IPO11: variants seen among roughly 807,000 people sequenced by gnomAD.
The protein encoded by IPO11 is importin-11.
Under a neutral mutation model 143.2 loss-of-function variants are expected in IPO11, and 66 were observed. That is an observed-to-expected ratio of 0.46 (90% confidence interval 0.38 to 0.57). The LOEUF (loss-of-function observed/expected upper bound fraction) is 0.57. Ranked by LOEUF, IPO11 falls within the 20% of genes least tolerant of loss-of-function variation. The pLI is 0.00. For synonymous variants in IPO11, 385 were observed against 377.8 expected, an observed-to-expected ratio of 1.02 and a Z score of -0.22; for missense variants, 1,026 against 1,141.0, an observed-to-expected ratio of 0.90 and a Z score of 1.45.
chr5:62,538,692 G>A (rs1345558480), intron 24 of IPO11, among the ~76,000 whole-genome samples: 1 of 152,138 alleles, frequency 6.6e-6, no homozygotes, highest in Non-Finnish European at 1.5e-5. Context: ...GTTCTTTATA[G>A]CAGTATGAAA....
chr5:62,587,555 GT>G (rs1744842354), intron 27 of IPO11, among the ~76,000 whole-genome samples: 1 of 151,842 alleles, frequency 6.6e-6, no homozygotes, highest in Admixed American at 6.6e-5. Flanking sequence ...TATTTTCCCA[GT>G]TTTCTAATAT....
At chr5:62,454,313 CTT>C (rs1271114314) in intron 5 of IPO11, among the ~76,000 whole-genome samples, 1 of 152,166 alleles carries the variant, frequency 6.6e-6, no homozygotes, top group African/African-American at 2.4e-5. Context: ...GTGAAATTGT[CTT>C]TCCTTTTCCT....
In IPO11 at chr5:62,561,236, C is replaced by G. The variant is rs145750694; in HGVS notation, c.2561C>G (p.Ser854Cys). The G allele has an allele frequency of 1.2e-4, 190 of 1,581,626 alleles. No homozygotes were observed. In the African/African-American group the frequency reaches 2.3e-3, roughly 19 times the overall value. Residue 854 changes from serine (S) to cysteine (C), a missense_variant, in exon 27 of 30, where the codon TCT becomes TGT. Around this residue, in one of 5 missense-constraint regions of IPO11, gnomAD observed 351 missense variants for 358.9 expected, o/e 0.98. Transcript: ENST00000325324. ...AAACTTTCAGCTTTGGCTTTGCTCT[C>G]TCTTCTGCCATCTGATAATAGGTGA... The part of the protein sequence containing the change: ...RRKLSALALL[S>C]LLPSDNSVIQ...
rs1742363632 is a variant in IPO11 at position 62,526,171 on chromosome 5, C to T, written c.1926C>T (p.Tyr642=). 6.2e-7 allele frequency: 1 copy of T among 1,613,294 alleles called. No individual in the cohort carries two copies. The highest frequency in any genetic ancestry group is 8.5e-7 in the Non-Finnish European group (1 of 1,179,434). Residue 642 remains tyrosine, a synonymous_variant, in exon 21 of 30, where the codon TAC becomes TAT. Transcript: ENST00000325324. ...QGLGADSKNL[Y]PFLLPVIQLS... ...TAGGAGCAGACAGCAAGAACCTGTA[C>T]CCTTTCCTGCTCCCAGTTATTCAAC...
At chr5:62,540,991 T>C (rs1742916001) in intron 24 of IPO11, among the ~76,000 whole-genome samples, 1 of 152,330 alleles carries the variant, frequency 6.6e-6, no homozygotes, top group Non-Finnish European at 1.5e-5. Flanking sequence ...AAATTTACTT[T>C]TAAAACTAAG....
chr5:62,464,251 C>G (rs1328040839), intron 5 of IPO11, among the ~76,000 whole-genome samples: 1 of 150,614 alleles, frequency 6.6e-6, no homozygotes, highest in African/African-American at 2.4e-5. Context: ...CCGGATTCTC[C>G]CGCCTCAGCC....
intron 28 of IPO11, among the ~76,000 whole-genome samples, chr5:62,597,099 G>T (rs61308671): frequency 6.6e-6 from 1 of 152,032 alleles, no homozygotes; most frequent in Admixed American, 6.6e-5. Context: ...GTCTAGTGAC[G>T]GTAAGAGGAT....
At chr5:62,417,050 T>C (rs543825942) in intron 1 of IPO11, among the ~76,000 whole-genome samples, 4 of 152,130 alleles carry the variant, frequency 2.6e-5, no homozygotes, top group African/African-American at 9.6e-5. Flanking sequence ...TCAAGTCTTA[T>C]CTGAAATATA....
chr5:62,550,525 C>A, intron 25 of IPO11, 63 bp downstream of exon 25: 1 of 1,034,834 alleles, frequency 9.7e-7, no homozygotes, highest in Non-Finnish European at 1.4e-6. Context: ...TTTAATTACT[C>A]TGTTAGATAC....
intron 5 of IPO11, among the ~76,000 whole-genome samples, chr5:62,464,391 G>C (rs982183482): frequency 6.6e-6 from 1 of 151,782 alleles, no homozygotes; most frequent in African/African-American, 2.4e-5. Flanking sequence ...CTCCTGCCTT[G>C]GCCTCCCAAA....
At chr5:62,486,055 A>T (rs79915024) in intron 12 of IPO11, among the ~76,000 whole-genome samples, 1 of 146,084 alleles carries the variant, frequency 6.8e-6, no homozygotes, top group African/African-American at 2.5e-5. Context: ...ATCTCGGCTC[A>T]CTGCAAGCTC....
intron 19 of IPO11, among the ~76,000 whole-genome samples, chr5:62,510,792 A>G (rs541538110): frequency 1.0e-3 from 159 of 151,960 alleles, no homozygotes; most frequent in African/African-American, 3.4e-3. Flanking sequence ...CTAGAGTGCA[A>G]TGGGGCTCTC....
At chr5:62,512,153 CAA>C in intron 19 of IPO11, 1 of 848,212 alleles carries the variant, frequency 1.2e-6, no homozygotes, top group Non-Finnish European at 2.0e-6. Context: ...AAGTGAGAAA[CAA>C]GAAGGCAACA....
At chr5:62,436,430 G>A (rs1205167500) in intron 1 of IPO11, among the ~76,000 whole-genome samples, 2 of 152,078 alleles carry the variant, frequency 1.3e-5, no homozygotes, top group South Asian at 2.1e-4. Flanking sequence ...TGAGAACTTC[G>A]ACTTATTTTC....
At chr5:62,612,523 G>T (rs1396624247) in intron 29 of IPO11, among the ~76,000 whole-genome samples, 1 of 152,124 alleles carries the variant, frequency 6.6e-6, no homozygotes, top group East Asian at 1.9e-4. Context: ...CGAGAATCCG[G>T]CTTTCATTTA....
intron 13 of IPO11, among the ~76,000 whole-genome samples, chr5:62,488,760 T>C (rs1746502572): frequency 6.6e-6 from 1 of 152,168 alleles, no homozygotes; most frequent in Non-Finnish European, 1.5e-5. Flanking sequence ...TCCAGCACTT[T>C]GGGAGGCTGA....
intron 16 of IPO11, among the ~76,000 whole-genome samples, chr5:62,498,299 G>C (rs1190964443): frequency 1.3e-5 from 2 of 151,966 alleles, no homozygotes; most frequent in Non-Finnish European, 2.9e-5. Flanking sequence ...TACTGACCTG[G>C]ATTCTATACA....
rs1474111909 is a variant in IPO11, at chr5:62,437,375, G to A, written c.96G>A (p.Leu32=). The stretch of plus-strand genomic sequence containing the variant: ...TGTTAAAACCAGCTGAGGAGCAGTT[G>A]AAGCAGTGGGAGACACAGCCAGGTT... ...TAVLKPAEEQ[L]KQWETQPGFY... The change falls in exon 2 of 30, where the codon TTG becomes TTA. Residue 32 remains leucine (L), a synonymous_variant. Coordinates refer to ENST00000325324, the MANE Select transcript of IPO11 (RefSeq NM_016338.5). 1.2e-6 allele frequency: 2 copies of A among 1,612,734 alleles called. No homozygotes were observed. Among genetic ancestry groups the A allele is most frequent in the Admixed American group, 1.7e-5 (1 of 59,898 alleles).
In IPO11 at chr5:62,568,166, ATGTTGCCCAG is replaced by A. The variant is rs1443360410; in HGVS notation, c.2582+6911_2582+6920del. On this transcript the variant is annotated intron_variant, in intron 27 of 29. Coordinates refer to ENST00000325324, the MANE Select transcript of IPO11 (RefSeq NM_016338.5). ...TTTTTTGTAGAGATGGGGTTTTGCC[ATGTTGCCCAG>A]TCTGGTCAGACCCCTGAGCTCAAGC... 3.3e-5 allele frequency among the ~76,000 whole-genome samples: 5 copies of A among 149,968 alleles called. No individual in the cohort carries two copies. The East Asian group carries it at 8.2e-4, about 25-fold the overall frequency.
Sources: gnomAD v4.1 joint callset for allele counts (sites outside exome capture counted in the v4.1 genomes callset) on GRCh38, gnomAD v4.1.1 for gene constraint, gnomAD v4.1.1 regional missense constraint, MANE v1.5 for transcripts, NCBI Gene and HGNC (gene_info 2026-07-23, HGNC 2026-07-21) for gene names.